The following THSD7A variants were observed in gnomAD, a reference collection of about 807,000 sequenced individuals.
The protein encoded by THSD7A is thrombospondin type-1 domain-containing protein 7A.
A neutral mutation model predicts 231.3 loss-of-function variants in THSD7A; 96 were observed. That is an observed-to-expected ratio of 0.41 (90% CI 0.35 to 0.49). The LOEUF (loss-of-function observed/expected upper bound fraction) is 0.49, where lower values mean the gene tolerates loss of function less well. Ranked by LOEUF, THSD7A falls within the 20% of genes least tolerant of loss-of-function variation. The pLI, the probability that THSD7A is intolerant of heterozygous loss-of-function variation, is 0.05. For synonymous variants in THSD7A, 940 were observed against 743.3 expected (o/e 1.26, Z -4.30); for missense variants, 2,290 against 2,070.2 (o/e 1.11, Z -2.06).
intron 13 of THSD7A, among the ~76,000 whole-genome samples, chr7:11,440,597 G>C (rs1425740872): frequency 6.6e-6 from 1 of 151,982 alleles, no homozygotes; most frequent in Non-Finnish European, 1.5e-5. Flanking sequence ...ACTTTGAGGG[G>C]GTTCAAGACT....
rs1782339098 is a variant in THSD7A at position 11,377,833 on chromosome 7, T to C, written c.4802-1176A>G. 6.6e-6 allele frequency: 1 copy of C among 152,024 alleles called. No individual in the cohort carries two copies. The highest frequency in any genetic ancestry group is 6.6e-5 in the Admixed American group (1 of 15,232). The allele number at this position is 152,024 out of a possible 1,614,324, so 9.4% of individuals were successfully genotyped here. A position where few individuals can be genotyped will look rare whatever the true frequency, so the allele number is the denominator to read the frequency against. Reference sequence around the variant, plus strand: ...ATTTTAACTTTGGGGAAACTATATATAAAATTTAAAATAATGACAATAATA... The same window carrying C: ...ATTTTAACTTTGGGGAAACTATATACAAAATTTAAAATAATGACAATAATA... On this transcript the variant is annotated intron_variant, in intron 26 of 27. Coordinates refer to ENST00000423059, the MANE Select transcript of THSD7A (RefSeq NM_015204.3). This position sits in a 1 kb window ranked among gnomAD's most constrained non-coding sequence, Gnocchi z 4.5.
At chr7:11,820,138 C>T (rs1486000063) in intron 1 of THSD7A, among the ~76,000 whole-genome samples, 1 of 152,184 alleles carries the variant, frequency 6.6e-6, no homozygotes. Context: ...CGCCAGCCTC[C>T]TCTGTCCAGT....
intron 11 of THSD7A, among the ~76,000 whole-genome samples, chr7:11,456,889 T>C (rs1027716720): frequency 6.6e-6 from 1 of 152,068 alleles, no homozygotes; most frequent in Non-Finnish European, 1.5e-5. Context: ...CATTTCTATC[T>C]CTAGAATCAT....
At chr7:11,677,469 G>T (rs1743420662) in intron 1 of THSD7A, among the ~76,000 whole-genome samples, 1 of 150,504 alleles carries the variant, frequency 6.6e-6, no homozygotes, top group Admixed American at 6.7e-5. Context: ...AGGCAAATTG[G>T]GTAAAGAGTC....
In THSD7A at chr7:11,513,023, T is replaced by C. The variant is rs553812330; in HGVS notation, c.1822+28396A>G. Among the ~76,000 whole-genome samples the C allele has an allele frequency of 1.0e-4, 15 of 147,008 alleles. No homozygotes were observed. The East Asian group carries it at 1.8e-3, about 18-fold the overall frequency. Reference sequence around the variant, plus strand: ...AGCATTTGCCATGACCTGGATGAGATTGGAGACTATTATTCTGAGTGAAGT... The same window carrying C: ...AGCATTTGCCATGACCTGGATGAGACTGGAGACTATTATTCTGAGTGAAGT... On this transcript the variant is annotated intron_variant, in intron 6 of 27. Transcript: ENST00000423059.
intron 4 of THSD7A, among the ~76,000 whole-genome samples, chr7:11,583,185 T>C (rs1791241619): frequency 6.6e-6 from 1 of 152,178 alleles, no homozygotes; most frequent in African/African-American, 2.4e-5. Flanking sequence ...TTTTAAAAAA[T>C]TGGTCTTTTT....
At chr7:11,445,595 T>C (rs950806677) in intron 13 of THSD7A, among the ~76,000 whole-genome samples, 4 of 151,978 alleles carry the variant, frequency 2.6e-5, no homozygotes, top group Admixed American at 2.0e-4. Flanking sequence ...CAGTTACTAG[T>C]TGCCATCTTC....
chr7:11,718,846 A>G (rs1781240031), intron 1 of THSD7A, among the ~76,000 whole-genome samples: 1 of 151,692 alleles, frequency 6.6e-6, no homozygotes, highest in Non-Finnish European at 1.5e-5. Context: ...GGCATGCAGA[A>G]CTTTGAATTT....
intron 1 of THSD7A, among the ~76,000 whole-genome samples, chr7:11,816,097 T>A (rs746425578): frequency 6.6e-6 from 1 of 152,202 alleles, no homozygotes; most frequent in African/African-American, 2.4e-5. Flanking sequence ...TTTACATCCA[T>A]ATATGTTTCT....
chr7:11,446,405 CTAATT>C lies in THSD7A; in HGVS notation c.2801-86_2801-82del. ...ACACATCCCTAAATTTTCTGCTTTC[CTAATT>C]TCTTTTTCTTCATTTTTAACCATAT... On this transcript the variant is annotated intron_variant, in intron 12 of 27. Transcript: ENST00000423059. This position sits in a 1 kb window ranked among gnomAD's most constrained non-coding sequence, Gnocchi z 4.0. 6.9e-7 allele frequency: 1 copy of C among 1,443,788 alleles called. No individual in the cohort carries two copies. Among genetic ancestry groups the C allele is most frequent in the South Asian group, 1.4e-5 (1 of 72,836 alleles). The allele number at this position is 1,443,788 out of a possible 1,614,324, so 89.4% of individuals were successfully genotyped here. A position where few individuals can be genotyped will look rare whatever the true frequency, so the allele number is the denominator to read the frequency against.
At chr7:11,752,009 G>A (rs916441692) in intron 1 of THSD7A, among the ~76,000 whole-genome samples, 1 of 152,106 alleles carries the variant, frequency 6.6e-6, no homozygotes, top group East Asian at 1.9e-4. Flanking sequence ...GCAGGGTGGG[G>A]AGCAGCTCCT....
chr7:11,517,704 G>C (rs144955325), intron 6 of THSD7A, among the ~76,000 whole-genome samples: 1 of 152,152 alleles, frequency 6.6e-6, no homozygotes, highest in Admixed American at 6.5e-5. Context: ...TTTTAAAGCT[G>C]CATGCAATGA....
At chr7:11,439,936 G>T (rs1052796781) in intron 13 of THSD7A, among the ~76,000 whole-genome samples, 2 of 152,068 alleles carry the variant, frequency 1.3e-5, no homozygotes, top group Non-Finnish European at 2.9e-5. Flanking sequence ...ACAGCCTTCT[G>T]TTGGAAGAAA....
At chr7:11,817,971 A>T (rs1583315595) in intron 1 of THSD7A, among the ~76,000 whole-genome samples, 2 of 152,170 alleles carry the variant, frequency 1.3e-5, no homozygotes, top group African/African-American at 4.8e-5. Flanking sequence ...CTATGCATTC[A>T]ATTCTTTGCA....
At chr7:11,675,950 C>T (rs1353388957) in intron 1 of THSD7A, among the ~76,000 whole-genome samples, 2 of 152,296 alleles carry the variant, frequency 1.3e-5, no homozygotes, top group South Asian at 4.1e-4. Flanking sequence ...GGGTTCCTGA[C>T]CCATGAGCCT....
intron 1 of THSD7A, among the ~76,000 whole-genome samples, chr7:11,737,574 A>C (rs945241786): frequency 1.3e-5 from 2 of 152,062 alleles, no homozygotes; most frequent in Admixed American, 6.6e-5. Flanking sequence ...GTGCTCAGGG[A>C]AACCTGAAAC....
At chr7:11,569,122 G>C in intron 4 of THSD7A, among the ~76,000 whole-genome samples, 1 of 152,074 alleles carries the variant, frequency 6.6e-6, no homozygotes, top group East Asian at 1.9e-4. Flanking sequence ...CAGGACATTG[G>C]TCTAGGCAAA....
intron 9 of THSD7A, among the ~76,000 whole-genome samples, chr7:11,468,407 AAGAG>A (rs1785796561): frequency 1.3e-5 from 2 of 151,996 alleles, no homozygotes; most frequent in South Asian, 4.1e-4. Context: ...AAAAAGGAAT[AAGAG>A]AGGAAAATCT....
chr7:11,574,824 C>T (rs1222575277), intron 4 of THSD7A, among the ~76,000 whole-genome samples: 1 of 152,096 alleles, frequency 6.6e-6, no homozygotes, highest in Non-Finnish European at 1.5e-5. Context: ...AAGACTGAAT[C>T]ACTATTTAAA....
Sources: allele counts gnomAD v4.1 joint callset (sites outside exome capture counted in the v4.1 genomes callset), GRCh38; gene constraint gnomAD v4.1.1; non-coding constraint Gnocchi (gnomAD v3.1); transcripts MANE v1.5; gene names NCBI Gene and HGNC (gene_info 2026-07-23, HGNC 2026-07-21).